Variants in TLE3 observed in about 807,000 individuals in gnomAD.
TLE3 encodes transducin-like enhancer protein 3.
TLE3 carries 14 observed loss-of-function variants against 93.0 expected under a neutral mutation model. The observed-to-expected ratio is 0.15, with a 90% CI of 0.10 to 0.24. The LOEUF (loss-of-function observed/expected upper bound fraction) is 0.24, where lower values mean the gene tolerates loss of function less well. TLE3 is among the 10% of genes least tolerant of loss of function. The pLI, the probability that TLE3 is intolerant of heterozygous loss-of-function variation, is 1.00. For missense variants in TLE3, 693 were observed against 1,046.6 expected (o/e 0.66, Z 4.66); for synonymous variants, 451 against 425.0 (o/e 1.06, Z -0.75).
At chr15:70,052,564 T>G (rs1233828468) in intron 17 of TLE3, 40 bp from the exon 18 acceptor site, 11 of 1,595,000 alleles carry the variant, frequency 6.9e-6, no homozygotes, top group Non-Finnish European at 9.4e-6. Flanking sequence ...AGCTCAGCAT[T>G]CTCTGCCCTC....
At chr15:70,079,067 G>A (rs919280528) in intron 4 of TLE3, among the ~76,000 whole-genome samples, 8 of 152,000 alleles carry the variant, frequency 5.3e-5, no homozygotes, top group African/African-American at 1.7e-4. Flanking sequence ...TGAGGACAAC[G>A]GATCTCCCAG....
intron 6 of TLE3, among the ~76,000 whole-genome samples, chr15:70,073,976 A>C (rs975951960): frequency 2.0e-5 from 3 of 152,254 alleles, no homozygotes; most frequent in Admixed American, 6.5e-5. Flanking sequence ...CAGGAAAACC[A>C]GTCTCAGCTC....
intron 8 of TLE3, chr15:70,060,861 G>A (rs2056427835): frequency 1.5e-6 from 1 of 672,784 alleles, no homozygotes; most frequent in Non-Finnish European, 2.6e-6. Flanking sequence ...GATGCCCTGG[G>A]CGCATCCCCA....
At position 70,096,940 on chromosome 15, in the gene TLE3, G is replaced by A; in HGVS notation, c.-142C>T. The A allele has an allele frequency of 2.1e-6, 2 of 973,456 alleles. No individual in the cohort carries two copies. The highest frequency in any genetic ancestry group is 1.5e-6 in the Non-Finnish European group (1 of 645,172). 60.3% of individuals were successfully genotyped at this position (973,456 alleles called of 1,614,324 possible). A position where few individuals can be genotyped will look rare whatever the true frequency, so the allele number is the denominator to read the frequency against. ...CCCCCGGCCCCCCCAGCTCGTTCTC[G>A]CAGCGAAATCCCAGAGTCGGGCGCC... On this transcript the variant is annotated 5_prime_UTR_variant, in exon 1 of 20. Coordinates refer to ENST00000451782, the MANE Select transcript of TLE3 (RefSeq NM_001105192.3).
At chr15:70,076,426 T>C (rs1404949619) in intron 4 of TLE3, among the ~76,000 whole-genome samples, 3 of 152,192 alleles carry the variant, frequency 2.0e-5, no homozygotes, top group African/African-American at 7.2e-5. Flanking sequence ...TGGTTCAGAA[T>C]ATAGTTTGCA....
Position 70,073,818 on chromosome 15 carries a change from C to T in TLE3, c.372+715G>A, listed in dbSNP as rs116209629. On this transcript the variant is annotated intron_variant, in intron 6 of 19. Coordinates refer to ENST00000451782, the MANE Select transcript of TLE3 (RefSeq NM_001105192.3). ...CAAAGCAGCAAGCAGGAGAAAGATG[C>T]CACTTGAACCTAAGAAATGCATTAA... Among the ~76,000 whole-genome samples, 1,366 of 152,330 alleles carry T rather than the reference C, an allele frequency of 9.0e-3. 19 individuals carry two copies. The highest frequency in any genetic ancestry group is 0.031 in the African/African-American group (1,293 of 41,568).
Position 70,052,264 on chromosome 15 carries a change from C to T in TLE3, c.2125+110G>A, listed in dbSNP as rs545355922. The T allele has an allele frequency of 2.5e-4, 353 of 1,424,514 alleles. No homozygotes were observed. In the African/African-American group the frequency reaches 4.5e-3, roughly 18 times the overall value. The allele number at this position is 1,424,514 out of a possible 1,614,324, so 88.2% of individuals were successfully genotyped here. A position where few individuals can be genotyped will look rare whatever the true frequency, so the allele number is the denominator to read the frequency against. Reference sequence around the variant, plus strand: ...GCTCAGGGGTCAGGAGGCCTGGTTCCAGGGCCTAGCTTATTCTATAAGCTT... The same window carrying T: ...GCTCAGGGGTCAGGAGGCCTGGTTCTAGGGCCTAGCTTATTCTATAAGCTT... On this transcript the variant is annotated intron_variant, in intron 18 of 19. Coordinates refer to ENST00000451782, the MANE Select transcript of TLE3 (RefSeq NM_001105192.3).
chr15:70,049,812 C>T lies in TLE3; in HGVS notation c.*285G>A, dbSNP rs775635307. ...CTCATGAGCGGGTCTGTGGGGGAAC[C>T]GGAGCCATAAGCCTCCAATAAATCT... On this transcript the variant is annotated 3_prime_UTR_variant, in exon 20 of 20. Transcript: ENST00000451782. The T allele has an allele frequency of 1.2e-5, 4 of 327,730 alleles. No homozygotes were observed. Among genetic ancestry groups the T allele is most frequent in the African/African-American group, 2.1e-5 (1 of 48,136 alleles). 20.3% of individuals were successfully genotyped at this position (327,730 alleles called of 1,614,324 possible). A position where few individuals can be genotyped will look rare whatever the true frequency, so the allele number is the denominator to read the frequency against.
Position 70,049,958 on chromosome 15 carries a change from G to C in TLE3, c.*139C>G, listed in dbSNP as rs2055372458. 2 of 668,190 alleles carry C rather than the reference G, an allele frequency of 3.0e-6. No individual in the cohort carries two copies. Among genetic ancestry groups the C allele is most frequent in the Non-Finnish European group, 5.3e-6 (2 of 379,794 alleles). The allele number at this position is 668,190 out of a possible 1,614,324, so 41.4% of individuals were successfully genotyped here. On this transcript the variant is annotated 3_prime_UTR_variant, in exon 20 of 20. Transcript: ENST00000451782. ...CTGTGACGGGGCACGTGCCCTCTCAGCCGGCCGGAGCGCAGCCCTGAACGC... is the reference window on the plus strand; with the variant it reads ...CTGTGACGGGGCACGTGCCCTCTCACCCGGCCGGAGCGCAGCCCTGAACGC...
At chr15:70,089,871 A>G (rs2058225764) in intron 4 of TLE3, among the ~76,000 whole-genome samples, 1 of 152,222 alleles carries the variant, frequency 6.6e-6, no homozygotes, top group Non-Finnish European at 1.5e-5. Flanking sequence ...GGTGGGAAGG[A>G]GGAGTTCAAG....
At chr15:70,093,676 G>T (rs1185302728) in intron 4 of TLE3, among the ~76,000 whole-genome samples, 2 of 152,228 alleles carry the variant, frequency 1.3e-5, no homozygotes, top group African/African-American at 4.8e-5. Flanking sequence ...CCACAGCCCA[G>T]CCTAGCACTG....
At chr15:70,059,963 G>C (rs1463436994) in intron 9 of TLE3, among the ~76,000 whole-genome samples, 2 of 152,190 alleles carry the variant, frequency 1.3e-5, no homozygotes, top group Non-Finnish European at 2.9e-5. Context: ...GGCTGAAGAG[G>C]GCTGGGTGCA....
At chr15:70,064,539 G>A in intron 7 of TLE3, 69 bp from the exon 8 acceptor site, 1 of 1,607,276 alleles carries the variant, frequency 6.2e-7, no homozygotes, top group Non-Finnish European at 8.5e-7. Flanking sequence ...AAAAAGAAAG[G>A]AAAAAGGTCA....
chr15:70,057,324 A>T, intron 13 of TLE3, 135 bp downstream of exon 13: 1 of 1,040,614 alleles, frequency 9.6e-7, no homozygotes, highest in Non-Finnish European at 1.4e-6. Flanking sequence ...TGTTTCCGAT[A>T]CACCTTCCCA....
intron 4 of TLE3, among the ~76,000 whole-genome samples, chr15:70,090,108 G>A (rs900857660): frequency 6.6e-6 from 1 of 152,188 alleles, no homozygotes; most frequent in African/African-American, 2.4e-5. Flanking sequence ...GAGAAAAGGG[G>A]TCCAAAGGCA....
chr15:70,096,234 A>C lies in TLE3; in HGVS notation c.52T>G (p.Phe18Val). The C allele has an allele frequency of 6.4e-7, 1 of 1,557,040 alleles. No homozygotes were observed. The highest frequency in any genetic ancestry group is 8.7e-7 in the Non-Finnish European group (1 of 1,150,120). ...CAAGACTCAGCCACCGTGAATTTAA[A>C]TCCCGGCTGCCCGGGTTGATGGGGA... ...PAPHQPGQPG[F>V]KFTVAESCDR... Residue 18 changes from phenylalanine (F) to valine (V), a missense_variant, in exon 2 of 20, where the codon TTT becomes GTT. Coordinates refer to ENST00000451782, the MANE Select transcript of TLE3 (RefSeq NM_001105192.3).
chr15:70,097,687 G>C lies in TLE3; in HGVS notation c.-889C>G, dbSNP rs564826373. Reference sequence around the variant, plus strand: ...AGGAGAGCGCTGGAGGGGAGACGCAGCCCGAGACCGGGGAGCTCTACGGCT... The same window carrying C: ...AGGAGAGCGCTGGAGGGGAGACGCACCCCGAGACCGGGGAGCTCTACGGCT... On this transcript the variant is annotated 5_prime_UTR_variant, in exon 1 of 20. Coordinates refer to ENST00000451782, the MANE Select transcript of TLE3 (RefSeq NM_001105192.3). 2.5e-6 allele frequency: 1 copy of C among 397,116 alleles called. No homozygotes were observed. The highest frequency in any genetic ancestry group is 4.4e-5 in the Admixed American group (1 of 22,664). 24.6% of individuals were successfully genotyped at this position (397,116 alleles called of 1,614,324 possible).
intron 6 of TLE3, among the ~76,000 whole-genome samples, chr15:70,067,482 C>T (rs2056884811): frequency 6.6e-6 from 1 of 152,140 alleles, no homozygotes; most frequent in East Asian, 1.9e-4. Context: ...CTGTCAACCA[C>T]CACCCCTCAT....
At chr15:70,061,421 C>A (rs2056467448) in intron 8 of TLE3, among the ~76,000 whole-genome samples, 2 of 152,090 alleles carry the variant, frequency 1.3e-5, no homozygotes, top group African/African-American at 4.8e-5. Flanking sequence ...ACAAAGGGAA[C>A]CCCAAAATTT....
Sources: gnomAD v4.1 joint callset for allele counts (sites outside exome capture counted in the v4.1 genomes callset) on GRCh38, gnomAD v4.1.1 for gene constraint, MANE v1.5 for transcripts, NCBI Gene and HGNC (gene_info 2026-07-23, HGNC 2026-07-21) for gene names.